ARK2N: variants seen among roughly 807,000 people sequenced by gnomAD.
ARK2N encodes the protein protein ARK2N.
At chr18:46,221,414 G>A in the ARK2N span, among the ~76,000 whole-genome samples, 1 of 150,758 alleles carries the variant, frequency 6.6e-6, no homozygotes, top group African/African-American at 2.4e-5. Context: ...AGAAAAATTA[G>A]CCGGGTGTGG....
At chr18:46,195,087 C>T in the ARK2N span, among the ~76,000 whole-genome samples, 2 of 151,842 alleles carry the variant, frequency 1.3e-5, no homozygotes, top group African/African-American at 4.8e-5. Context: ...CAGGCATGAG[C>T]CACCATGCCT....
chr18:46,220,334 C>CCATT, the ARK2N span, among the ~76,000 whole-genome samples: 2 of 152,154 alleles, frequency 1.3e-5, no homozygotes, highest in African/African-American at 4.8e-5. Context: ...ATCTCAGCAC[C>CCATT]CATTACTCAC....
At chr18:46,201,334 CA>C in the ARK2N span, among the ~76,000 whole-genome samples, 24 of 151,874 alleles carry the variant, frequency 1.6e-4, no homozygotes, top group African/African-American at 4.1e-4. Context: ...TATAGGCTTT[CA>C]AAAAAATATG....
the ARK2N span, among the ~76,000 whole-genome samples, chr18:46,238,739 G>A: frequency 6.6e-6 from 1 of 152,120 alleles, no homozygotes; most frequent in East Asian, 1.9e-4. Flanking sequence ...CTGTGGTTTG[G>A]TAGTTTAGTT....
At chr18:46,213,096 G>T in the ARK2N span, among the ~76,000 whole-genome samples, 1 of 147,024 alleles carries the variant, frequency 6.8e-6, no homozygotes. Context: ...CCACCTCCCG[G>T]GTTCAAGTGA....
chr18:46,266,988 A>C, the ARK2N span: 1 of 141,710 alleles, frequency 7.1e-6, no homozygotes, highest in Admixed American at 7.7e-5. Context: ...GTATTTAAAC[A>C]ATGATATCTT....
At chr18:46,180,202 A>C in the ARK2N span, among the ~76,000 whole-genome samples, 2 of 152,212 alleles carry the variant, frequency 1.3e-5, no homozygotes, top group Non-Finnish European at 1.5e-5. Context: ...TCTGCCACTT[A>C]ATAGGTAGAT....
At chr18:46,190,381 G>A in the ARK2N span, among the ~76,000 whole-genome samples, 4 of 150,216 alleles carry the variant, frequency 2.7e-5, no homozygotes, top group African/African-American at 4.9e-5. Context: ...TTAGCCAGGC[G>A]TGGTGGCGCA....
chr18:46,220,373 A>G, the ARK2N span, among the ~76,000 whole-genome samples: 3 of 152,234 alleles, frequency 2.0e-5, no homozygotes, highest in African/African-American at 7.2e-5. Context: ...GAGCTGCATC[A>G]TGACCAGCTA....
At chr18:46,200,788 T>C in the ARK2N span, among the ~76,000 whole-genome samples, 5 of 152,188 alleles carry the variant, frequency 3.3e-5, no homozygotes, top group Non-Finnish European at 7.3e-5. Flanking sequence ...ACATCATTTT[T>C]TTTTTGAGAC....
At chr18:46,193,630 G>A in the ARK2N span, among the ~76,000 whole-genome samples, 1 of 109,546 alleles carries the variant, frequency 9.1e-6, no homozygotes, top group African/African-American at 3.5e-5. Flanking sequence ...ACAGAGTCTT[G>A]CTCTGTCACC....
At chr18:46,198,423 AC>A in the ARK2N span, among the ~76,000 whole-genome samples, 16 of 152,240 alleles carry the variant, frequency 1.1e-4, no homozygotes, top group East Asian at 3.1e-3. Flanking sequence ...AAAACGAAGA[AC>A]TATGAGACAA....
the ARK2N span, among the ~76,000 whole-genome samples, chr18:46,186,917 T>G: frequency 1.8e-3 from 276 of 151,572 alleles, no homozygotes; most frequent in Non-Finnish European, 3.4e-3. Flanking sequence ...TGCAGTGGTA[T>G]GATCTAGGCT....
At chr18:46,265,727 G>A in the ARK2N span, 1 of 152,592 alleles carries the variant, frequency 6.6e-6, no homozygotes, top group South Asian at 2.1e-4. Context: ...TTCAGGCAAG[G>A]TATTAATGAT....
chr18:46,205,188 G>T, the ARK2N span, among the ~76,000 whole-genome samples: 17 of 152,224 alleles, frequency 1.1e-4, no homozygotes, highest in Middle Eastern at 6.8e-3. Context: ...GATTGCAGGC[G>T]TGAGCCACTG....
At chr18:46,234,785 G>A in the ARK2N span, among the ~76,000 whole-genome samples, 2 of 152,128 alleles carry the variant, frequency 1.3e-5, no homozygotes, top group African/African-American at 2.4e-5. Context: ...TAACAGAACC[G>A]GGCCTAGGCC....
chr18:46,245,212 G>A, the ARK2N span, among the ~76,000 whole-genome samples: 5 of 151,984 alleles, frequency 3.3e-5, 1 homozygote, highest in Admixed American at 2.0e-4. Flanking sequence ...AATTTCAGGC[G>A]TGAGCTACCA....
chr18:46,225,402 C>T, the ARK2N span, among the ~76,000 whole-genome samples: 24 of 152,276 alleles, frequency 1.6e-4, no homozygotes, highest in African/African-American at 5.1e-4. Context: ...TGACAATCTG[C>T]GTTTTGGATT....
the ARK2N span, among the ~76,000 whole-genome samples, chr18:46,183,465 A>T: frequency 6.6e-6 from 1 of 152,250 alleles, no homozygotes. Context: ...TAGGTGCATA[A>T]TATTTGGTTC....
Sources: gnomAD v4.1 joint callset for allele counts (sites outside exome capture counted in the v4.1 genomes callset) on GRCh38, gnomAD v4.1.1 for gene constraint, MANE v1.5 for transcripts, NCBI Gene and HGNC (gene_info 2026-07-23, HGNC 2026-07-21) for gene names.